Variants in USP42 observed in about 807,000 individuals in gnomAD.
USP42 encodes ubiquitin specific peptidase 42, also known as ubiquitin carboxyl-terminal hydrolase 42.
USP42 carries 23 observed loss-of-function variants against 113.0 expected under a neutral mutation model. That is an observed-to-expected ratio of 0.20 (90% confidence interval 0.15 to 0.29). The LOEUF (loss-of-function observed/expected upper bound fraction) is 0.29, where lower values mean the gene tolerates loss of function less well. USP42 is among the 10% of genes least tolerant of loss of function. The pLI, the probability that USP42 is intolerant of heterozygous loss-of-function variation, is 1.00. For synonymous variants in USP42, 933 were observed against 699.0 expected (o/e 1.33, Z -5.28); for missense variants, 2,174 against 1,779.8 (o/e 1.22, Z -3.99).
Position 6,157,810 on chromosome 7 carries a change from C to T in USP42, c.3943+755C>T, listed in dbSNP as rs1218800586. 2.0e-5 allele frequency among the ~76,000 whole-genome samples: 3 copies of T among 152,176 alleles called. No homozygotes were observed. Among genetic ancestry groups the T allele is most frequent in the Non-Finnish European group, 4.4e-5 (3 of 68,040 alleles). ...CTGCAGAGGCCTCCATGTGGCAGAGCGCTGGCTGCCCCTGCCAGGTGTCCT... is the reference window on the plus strand; with the variant it reads ...CTGCAGAGGCCTCCATGTGGCAGAGTGCTGGCTGCCCCTGCCAGGTGTCCT... On this transcript the variant is annotated intron_variant, in intron 16 of 17. Coordinates refer to ENST00000306177, the MANE Select transcript of USP42 (RefSeq NM_032172.3). This position sits in a 1 kb window ranked among gnomAD's most constrained non-coding sequence, Gnocchi z 4.1.
At chr7:6,146,000 G>A in intron 10 of USP42, 148 bp from the exon 11 acceptor site, 1 of 681,622 alleles carries the variant, frequency 1.5e-6, no homozygotes, top group Non-Finnish European at 2.5e-6. Flanking sequence ...AACCCAGGAG[G>A]TGGAGATTGC....
chr7:6,113,405 C>T (rs1779707495), intron 2 of USP42, among the ~76,000 whole-genome samples: 1 of 152,092 alleles, frequency 6.6e-6, no homozygotes, highest in South Asian at 2.1e-4. Flanking sequence ...GCTGGGGCTT[C>T]TCTCTCTTCT....
At chr7:6,090,402 T>C in the USP42 span, among the ~76,000 whole-genome samples, 2 of 144,224 alleles carry the variant, frequency 1.4e-5, no homozygotes, top group Non-Finnish European at 3.0e-5. Context: ...TTTATATTTA[T>C]ATATATTATA....
intron 7 of USP42, among the ~76,000 whole-genome samples, chr7:6,142,662 C>T (rs1269631835): frequency 2.0e-5 from 3 of 151,932 alleles, no homozygotes; most frequent in Non-Finnish European, 2.9e-5. Flanking sequence ...GTGGGAGGAT[C>T]GCTTGAGCCC....
intron 3 of USP42, chr7:6,116,904 A>G (rs1779942478): frequency 3.9e-6 from 2 of 515,720 alleles, no homozygotes; most frequent in South Asian, 1.5e-5. Context: ...GAGAGGACCA[A>G]GACAAAATTC....
chr7:6,138,947 G>A, intron 4 of USP42, 145 bp from the exon 5 acceptor site: 1 of 562,788 alleles, frequency 1.8e-6, no homozygotes, highest in East Asian at 3.1e-5. Context: ...GCTTATATTA[G>A]TGGCTTATGT....
intron 7 of USP42, among the ~76,000 whole-genome samples, chr7:6,142,363 C>T (rs149567555): frequency 6.8e-4 from 103 of 151,994 alleles, no homozygotes; most frequent in African/African-American, 2.2e-3. Flanking sequence ...ACTACAGGCG[C>T]GTGCCACTGT....
chr7:6,117,050 T>C (rs1260333052), intron 3 of USP42: 3 of 324,760 alleles, frequency 9.2e-6, no homozygotes, highest in South Asian at 2.5e-5. Flanking sequence ...ATAATTGATA[T>C]ATACCAAATT....
At chr7:6,141,180 T>C (rs1464069311) in intron 7 of USP42, among the ~76,000 whole-genome samples, 196 bp downstream of exon 7, 1 of 151,666 alleles carries the variant, frequency 6.6e-6, no homozygotes, top group Non-Finnish European at 1.5e-5. Context: ...TTTATTACTC[T>C]TTGAATTTTC....
chr7:6,133,757 T>C (rs1336089808), intron 3 of USP42, among the ~76,000 whole-genome samples: 1 of 152,154 alleles, frequency 6.6e-6, no homozygotes, highest in African/African-American at 2.4e-5. Flanking sequence ...TGGGCTCAAG[T>C]GGTCCGCCTG....
At chr7:6,092,152 T>C in the USP42 span, among the ~76,000 whole-genome samples, 5 of 143,016 alleles carry the variant, frequency 3.5e-5, no homozygotes, top group South Asian at 4.4e-4. Context: ...CCTCTTCCTC[T>C]TCTTCTTCTT....
chr7:6,089,086 C>A, the USP42 span, among the ~76,000 whole-genome samples: 1 of 150,080 alleles, frequency 6.7e-6, no homozygotes, highest in Non-Finnish European at 1.5e-5. Flanking sequence ...ACTTTGTTGC[C>A]CAGGCTGGAG....
At chr7:6,114,678 A>ATATATAT (rs1241045063) in intron 2 of USP42, among the ~76,000 whole-genome samples, 10 of 18,886 alleles carry the variant, frequency 5.3e-4, no homozygotes, top group African/African-American at 1.7e-3. Context: ...ATATATATAT[A>ATATATAT]TTTTTTTTTT....
At chr7:6,111,856 A>T (rs919326702) in intron 2 of USP42, 1 of 150,776 alleles carries the variant, frequency 6.6e-6, no homozygotes, top group Non-Finnish European at 1.4e-5. Context: ...CTCATGATCC[A>T]CCCACCTCAG....
chr7:6,149,385 C>G (rs1781904479), intron 12 of USP42, among the ~76,000 whole-genome samples, 198 bp from the exon 13 acceptor site: 2 of 151,806 alleles, frequency 1.3e-5, no homozygotes, highest in Admixed American at 6.6e-5. Context: ...TGATTTATTG[C>G]CAGAAAACTA....
chr7:6,100,372 C>T (rs1056489760), upstream of USP42, among the ~76,000 whole-genome samples: 1 of 150,770 alleles, frequency 6.6e-6, no homozygotes, highest in Admixed American at 6.6e-5. Flanking sequence ...TCTTGTTGCC[C>T]AGGCTGGAGT....
At chr7:6,089,945 G>A in the USP42 span, among the ~76,000 whole-genome samples, 2 of 150,808 alleles carry the variant, frequency 1.3e-5, no homozygotes, top group East Asian at 1.9e-4. Flanking sequence ...AGGCTGCAGC[G>A]AGCCAAGATC....
chr7:6,129,859 T>TG (rs1780752572), intron 3 of USP42, among the ~76,000 whole-genome samples: 3 of 119,356 alleles, frequency 2.5e-5, no homozygotes, highest in African/African-American at 1.1e-4. Context: ...AGACTCTGTC[T>TG]CAAAAAAAAA....
At chr7:6,088,236 T>A in the USP42 span, among the ~76,000 whole-genome samples, 17 of 151,192 alleles carry the variant, frequency 1.1e-4, 1 homozygote, top group African/African-American at 3.9e-4. Context: ...ATAAAAATTT[T>A]AAAAACCCTA....
Sources: gnomAD v4.1 joint callset for allele counts (sites outside exome capture counted in the v4.1 genomes callset) on GRCh38, gnomAD v4.1.1 for gene constraint, Gnocchi (gnomAD v3.1) non-coding constraint, MANE v1.5 for transcripts, NCBI Gene and HGNC (gene_info 2026-07-23, HGNC 2026-07-21) for gene names.